Variants in SNTG1 observed in about 807,000 individuals in gnomAD.
SNTG1 encodes the protein syntrophin gamma 1, also known as gamma-1-syntrophin.
Under a neutral mutation model 74.7 loss-of-function variants are expected in SNTG1, and 39 were observed. The observed-to-expected ratio is 0.52, with a 90% CI of 0.40 to 0.68. The LOEUF is 0.68. Among genes scored for constraint, SNTG1 ranks in the 30% least tolerant of loss-of-function variants. The pLI, the probability that SNTG1 is intolerant of heterozygous loss-of-function variation, is 0.00. For missense variants in SNTG1, 685 were observed against 609.5 expected (o/e 1.12, Z -1.30); for synonymous variants, 254 against 217.1 (o/e 1.17, Z -1.49).
At chr8:50,321,700 A>T (rs1323022278) in intron 2 of SNTG1, among the ~76,000 whole-genome samples, 2 of 150,412 alleles carry the variant, frequency 1.3e-5, no homozygotes, top group East Asian at 3.9e-4. Flanking sequence ...GTGTGCTTGT[A>T]GATTTGAGGT....
intron 1 of SNTG1, among the ~76,000 whole-genome samples, chr8:50,039,682 A>G (rs1221403726): frequency 6.6e-6 from 1 of 152,032 alleles, no homozygotes; most frequent in Admixed American, 6.5e-5. Context: ...TATTTCCCAT[A>G]TCAAATCTTG....
chr8:50,586,141 C>G lies in SNTG1; in HGVS notation c.811-4738C>G, dbSNP rs16915061. Among the ~76,000 whole-genome samples, 1,216 of 152,270 alleles carry G rather than the reference C, an allele frequency of 8.0e-3. 15 individuals are homozygous for G. Among genetic ancestry groups the G allele is most frequent in the African/African-American group, 0.027 (1,110 of 41,568 alleles). On this transcript the variant is annotated intron_variant, in intron 12 of 18. Transcript: ENST00000642720. ...AAGAAAATAGAAGGGAGTATGAAAA[C>G]TACAGTGTAAGAAAGACATCTTTGC...
upstream of SNTG1, chr8:49,911,186 T>A (rs1228122954): frequency 4.6e-5 from 7 of 152,192 alleles, no homozygotes; most frequent in Non-Finnish European, 8.8e-5. Context: ...AAATTGGGTT[T>A]CTCAAAATTT....
chr8:50,073,504 T>G (rs1821558026), intron 1 of SNTG1, among the ~76,000 whole-genome samples: 1 of 152,176 alleles, frequency 6.6e-6, no homozygotes, highest in Non-Finnish European at 1.5e-5. Flanking sequence ...CTCCTGACAT[T>G]GTTGAAATTT....
rs769682138 is a variant in SNTG1 at position 50,485,125 on chromosome 8, G to C, written c.364-17653G>C. On this transcript the variant is annotated intron_variant, in intron 8 of 18. Transcript: ENST00000642720. Reference sequence around the variant, plus strand: ...ATGGAAACTTTGCTCATTTGAGGAAGTCATTGGTGGTCTCTGAGATATGAC... The same window carrying C: ...ATGGAAACTTTGCTCATTTGAGGAACTCATTGGTGGTCTCTGAGATATGAC... Among the ~76,000 whole-genome samples the C allele has an allele frequency of 2.2e-4, 33 of 152,276 alleles. 1 individual carries two copies. Among genetic ancestry groups the C allele is most frequent in the Admixed American group, 1.5e-3 (23 of 15,290 alleles).
At chr8:50,101,883 C>G (rs372347516) in intron 1 of SNTG1, among the ~76,000 whole-genome samples, 2 of 151,902 alleles carry the variant, frequency 1.3e-5, no homozygotes, top group African/African-American at 2.4e-5. Flanking sequence ...ACAAAGGACA[C>G]GAACTCATCA....
At chr8:50,377,111 G>A (rs924396199) in intron 2 of SNTG1, among the ~76,000 whole-genome samples, 4 of 152,086 alleles carry the variant, frequency 2.6e-5, no homozygotes, top group East Asian at 3.9e-4. Flanking sequence ...TGGGGAATTC[G>A]GGAGGTGTGT....
rs116967638 is a variant in SNTG1 at position 50,153,887 on chromosome 8, G to A, written c.-102-18674G>A. On this transcript the variant is annotated intron_variant, in intron 1 of 18. Transcript: ENST00000642720. ...TGAGGAGGCAGTCTGTCTGTTCTCA[G>A]ATATCGAACTCCTGCTGGGAGAACC... Among the ~76,000 whole-genome samples, 126 of 152,296 alleles carry A rather than the reference G, an allele frequency of 8.3e-4. 1 individual carries two copies. The East Asian group carries it at 0.023, about 27-fold the overall frequency.
At chr8:50,099,688 C>T (rs140888251) in intron 1 of SNTG1, among the ~76,000 whole-genome samples, 4 of 152,140 alleles carry the variant, frequency 2.6e-5, no homozygotes, top group African/African-American at 4.8e-5. Context: ...GCATTCTAAT[C>T]GGGATGAGAT....
chr8:49,937,157 C>G (rs1808161795), intron 1 of SNTG1, among the ~76,000 whole-genome samples: 1 of 151,732 alleles, frequency 6.6e-6, no homozygotes, highest in Admixed American at 6.6e-5. Flanking sequence ...TCAAAACAAA[C>G]AAACAAACAA....
intron 18 of SNTG1, among the ~76,000 whole-genome samples, chr8:50,776,812 G>A (rs149424497): frequency 1.4e-4 from 22 of 151,990 alleles, no homozygotes; most frequent in African/African-American, 4.6e-4. Context: ...AGCTGAGAAT[G>A]TCTTGATTTT....
intron 2 of SNTG1, among the ~76,000 whole-genome samples, chr8:50,372,829 C>T (rs933702620): frequency 6.6e-6 from 1 of 151,870 alleles, no homozygotes; most frequent in African/African-American, 2.4e-5. Flanking sequence ...AAACTGCATG[C>T]CGGGTTGAAT....
chr8:50,658,711 T>C (rs767939465), intron 15 of SNTG1, 48 bp downstream of exon 15: 1 of 1,321,870 alleles, frequency 7.6e-7, no homozygotes, highest in South Asian at 1.2e-5. Context: ...CCTCAGCAAA[T>C]AGTGCCTCTG....
At chr8:50,171,265 A>AACTCCCATTGTGTG (rs1450542542) in intron 1 of SNTG1, among the ~76,000 whole-genome samples, 2 of 152,156 alleles carry the variant, frequency 1.3e-5, no homozygotes, top group Non-Finnish European at 2.9e-5. Flanking sequence ...GGAGTTTATT[A>AACTCCCATTGTGTG]AGTATTATTA....
At chr8:50,209,979 A>C (rs530113418) in intron 2 of SNTG1, among the ~76,000 whole-genome samples, 1 of 152,322 alleles carries the variant, frequency 6.6e-6, no homozygotes, top group South Asian at 2.1e-4. Flanking sequence ...AAAAACCTTG[A>C]AAAAATATTA....
intron 1 of SNTG1, among the ~76,000 whole-genome samples, chr8:50,077,471 A>C (rs1906070): frequency 0.047 from 7,166 of 152,246 alleles, 393 homozygotes; most frequent in South Asian, 0.13. Flanking sequence ...TAGTTTTCTG[A>C]CACATAATCA....
rs949034873 is a variant in SNTG1, at chr8:50,415,215, T to C, written c.162+12871T>C. Among the ~76,000 whole-genome samples, 14 of 152,250 alleles carry C rather than the reference T, an allele frequency of 9.2e-5. No homozygotes were observed. In the East Asian group the frequency reaches 2.7e-3, roughly 29 times the overall value. On this transcript the variant is annotated intron_variant, in intron 4 of 18. Transcript: ENST00000642720. ...GCTTTAAACCAAGGAGTTCTGAAAATGGCAGTAATGTAAAGCAGCCTAGAG... is the reference window on the plus strand; with the variant it reads ...GCTTTAAACCAAGGAGTTCTGAAAACGGCAGTAATGTAAAGCAGCCTAGAG...
chr8:50,515,758 TC>T (rs1234159986), intron 9 of SNTG1, among the ~76,000 whole-genome samples: 1 of 152,140 alleles, frequency 6.6e-6, no homozygotes, highest in Non-Finnish European at 1.5e-5. Context: ...TCTAGATTCC[TC>T]CTCTTTGAGC....
At chr8:50,737,597 A>C (rs2095532179) in intron 17 of SNTG1, among the ~76,000 whole-genome samples, 2 of 152,130 alleles carry the variant, frequency 1.3e-5, no homozygotes, top group African/African-American at 4.8e-5. Context: ...CCTAGTAGAG[A>C]CACAACAAAA....
Sources: gnomAD v4.1 joint callset for allele counts (sites outside exome capture counted in the v4.1 genomes callset) on GRCh38, gnomAD v4.1.1 for gene constraint, MANE v1.5 for transcripts, NCBI Gene and HGNC (gene_info 2026-07-23, HGNC 2026-07-21) for gene names.